The following CNNM2 variants were observed in gnomAD, a reference collection of about 807,000 sequenced individuals.
The protein encoded by CNNM2 is cyclin and CBS domain divalent metal cation transport mediator 2, also known as metal transporter CNNM2.
A neutral mutation model predicts 66.9 loss-of-function variants in CNNM2; 12 were observed. The observed-to-expected ratio is 0.18, with a 90% CI of 0.11 to 0.29. The LOEUF is 0.29. Ranked by LOEUF, CNNM2 falls within the 10% of genes least tolerant of loss-of-function variation. CNNM2 has a pLI of 1.00. For missense variants in CNNM2, 705 were observed against 1,167.7 expected (o/e 0.60, Z 5.77); for synonymous variants, 557 against 501.8 (o/e 1.11, Z -1.47).
rs542725273 is a variant in CNNM2, at chr10:103,048,427, G to T, written c.1622-1280G>T. On this transcript the variant is annotated intron_variant, in intron 1 of 7. Coordinates refer to ENST00000369878, the MANE Select transcript of CNNM2 (RefSeq NM_017649.5). ...GATGGGGTTTTGCCATGTTGGCCAG[G>T]CTGGTCTCAAACTCCTGACCTCAGG... Among the ~76,000 whole-genome samples, 7 of 151,890 alleles carry T rather than the reference G, an allele frequency of 4.6e-5. No individual in the cohort carries two copies. The South Asian group carries it at 1.5e-3, about 32-fold the overall frequency.
At chr10:102,957,556 GT>G (rs1420555071) in intron 1 of CNNM2, among the ~76,000 whole-genome samples, 3 of 152,160 alleles carry the variant, frequency 2.0e-5, no homozygotes, top group African/African-American at 7.2e-5. Context: ...CTAAGTCACT[GT>G]TTTTAATGTT....
intron 1 of CNNM2, among the ~76,000 whole-genome samples, chr10:103,023,632 A>C (rs1458594573): frequency 6.6e-6 from 1 of 152,076 alleles, no homozygotes; most frequent in Non-Finnish European, 1.5e-5. Context: ...CACCCCCATG[A>C]TCCAGTACCT....
At chr10:102,968,944 C>T (rs1564824920) in intron 1 of CNNM2, among the ~76,000 whole-genome samples, 1 of 134,592 alleles carries the variant, frequency 7.4e-6, no homozygotes, top group Non-Finnish European at 1.6e-5. Context: ...GACAGGGTCT[C>T]ACTCTGTCAC....
intron 5 of CNNM2, among the ~76,000 whole-genome samples, chr10:103,069,236 G>A (rs2065532542): frequency 6.6e-6 from 1 of 152,090 alleles, no homozygotes. Context: ...ATAGACATTG[G>A]GGTAGTCCCG....
At chr10:103,076,500 G>A (rs1016780963) in intron 7 of CNNM2, among the ~76,000 whole-genome samples, 2 of 152,214 alleles carry the variant, frequency 1.3e-5, no homozygotes, top group Non-Finnish European at 2.9e-5. Context: ...CAAATCAAAT[G>A]TGGCTCTTTC....
intron 1 of CNNM2, among the ~76,000 whole-genome samples, chr10:102,921,627 T>C (rs1845642611): frequency 6.6e-6 from 1 of 152,252 alleles, no homozygotes; most frequent in African/African-American, 2.4e-5. Context: ...CTTTCACCAC[T>C]AAGTTGTTAA....
chr10:103,017,409 CAAAT>C (rs1196973170), intron 1 of CNNM2, among the ~76,000 whole-genome samples: 3 of 152,054 alleles, frequency 2.0e-5, no homozygotes, highest in Non-Finnish European at 4.4e-5. Context: ...GCAGACTAAG[CAAAT>C]AAATATGAAC....
chr10:103,074,435 A>G (rs1191562981), intron 6 of CNNM2, among the ~76,000 whole-genome samples: 1 of 152,254 alleles, frequency 6.6e-6, no homozygotes, highest in East Asian at 1.9e-4. Flanking sequence ...TTGTTCTCGT[A>G]GAAATGGAAA....
chr10:102,919,749 C>T lies in CNNM2; in HGVS notation c.1269C>T (p.Pro423=). Residue 423 remains proline, a synonymous_variant, in exon 1 of 8, where the codon CCC becomes CCT. Transcript: ENST00000369878. ...KLLEMLRVTD[P]YNDLVKEELN... ...TGGAGATGCTCCGGGTCACCGATCC[C>T]TACAACGACCTCGTTAAGGAGGAGC... The T allele has an allele frequency of 6.2e-7, 1 of 1,614,238 alleles. No homozygotes were observed. Among genetic ancestry groups the T allele is most frequent in the Non-Finnish European group, 8.5e-7 (1 of 1,180,044 alleles).
intron 1 of CNNM2, among the ~76,000 whole-genome samples, chr10:103,047,897 T>C (rs1042727634): frequency 2.0e-5 from 3 of 152,120 alleles, no homozygotes; most frequent in African/African-American, 7.2e-5. Context: ...TGGCTACAAG[T>C]CTCCCAAAAT....
At chr10:103,059,265 C>A (rs1443716491) in intron 4 of CNNM2, among the ~76,000 whole-genome samples, 7 of 152,150 alleles carry the variant, frequency 4.6e-5, no homozygotes, top group Non-Finnish European at 1.0e-4. Context: ...TGAGCCACCG[C>A]GTCTGGCCTC....
At position 103,084,876 on chromosome 10, in the gene CNNM2, T is replaced by C. The variant is rs915051280; in HGVS notation, c.*7696T>C. ...ATTTCTGGAAACTTATTTTATACTT[T>C]TTGAAGGTAATTTAAAAGAGATGAT... On this transcript the variant is annotated 3_prime_UTR_variant, in exon 8 of 8. Coordinates refer to ENST00000369878, the MANE Select transcript of CNNM2 (RefSeq NM_017649.5). The C allele has an allele frequency of 3.3e-5, 5 of 152,176 alleles. No individual in the cohort carries two copies. Among genetic ancestry groups the C allele is most frequent in the African/African-American group, 7.2e-5 (3 of 41,442 alleles). The allele number at this position is 152,176 out of a possible 1,614,324, so 9.4% of individuals were successfully genotyped here. A position where few individuals can be genotyped will look rare whatever the true frequency, so the allele number is the denominator to read the frequency against.
intron 1 of CNNM2, among the ~76,000 whole-genome samples, chr10:102,994,041 AT>A (rs1381720007): frequency 4.6e-5 from 7 of 151,932 alleles, no homozygotes; most frequent in Non-Finnish European, 1.0e-4. Flanking sequence ...GGTTCAAGTG[AT>A]TTTCCTGCCT....
chr10:102,919,847 G>C lies in CNNM2; in HGVS notation c.1367G>C (p.Cys456Ser). ...GACGTGATGACCCCACTCCGGGACT[G>C]CTTCATGATCACCGGCGAAGCCATC... ...VEDVMTPLRD[C>S]FMITGEAILD... Residue 456 changes from cysteine (C) to serine (S), a missense_variant, in exon 1 of 8, where the codon TGC becomes TCC. Physicochemically the swap from Cys to Ser is moderately radical, Grantham distance 112. This residue lies in a region of CNNM2 where 171 missense variants were observed against 304.8 expected (regional missense o/e 0.56). Coordinates refer to ENST00000369878, the MANE Select transcript of CNNM2 (RefSeq NM_017649.5). 1 of 1,614,222 alleles carries C rather than the reference G, an allele frequency of 6.2e-7. No homozygotes were observed. The highest frequency in any genetic ancestry group is 8.5e-7 in the Non-Finnish European group (1 of 1,180,038).
chr10:102,991,580 TAAATTC>T (rs1191558442), intron 1 of CNNM2, among the ~76,000 whole-genome samples: 1 of 152,182 alleles, frequency 6.6e-6, no homozygotes, highest in Non-Finnish European at 1.5e-5. Context: ...TTTCATTTCT[TAAATTC>T]CATCGTCTGA....
In CNNM2 at chr10:103,040,928, C is replaced by T. The variant is rs561021938; in HGVS notation, c.1622-8779C>T. The stretch of plus-strand genomic sequence containing the variant: ...CTAAGATTCCAGATATAGCTAAATA[C>T]GGGAGGAGAATTGCTTCTCTTATTC... On this transcript the variant is annotated intron_variant, in intron 1 of 7. Transcript: ENST00000369878. Among the ~76,000 whole-genome samples the T allele has an allele frequency of 1.1e-4, 16 of 152,210 alleles. No individual in the cohort carries two copies. The East Asian group carries it at 2.1e-3, about 20-fold the overall frequency.
chr10:102,977,250 A>AT (rs779957362), intron 1 of CNNM2, among the ~76,000 whole-genome samples: 228 of 151,360 alleles, frequency 1.5e-3, no homozygotes, highest in Middle Eastern at 3.4e-3. Context: ...AGCATTTTGG[A>AT]TTTTTTTTTA....
Position 103,089,739 on chromosome 10 carries a change from G to A in CNNM2, c.*12559G>A, listed in dbSNP as rs200203060. The A allele has an allele frequency of 6.2e-6, 10 of 1,613,686 alleles. No individual in the cohort carries two copies. The highest frequency in any genetic ancestry group is 1.1e-5 in the South Asian group (1 of 91,030). Reference sequence around the variant, plus strand: ...ATGGCAGTGTGTAATTTCCTGGGGGGCCAGTGGGAAGAGGTTGGGAGGTTT... The same window carrying A: ...ATGGCAGTGTGTAATTTCCTGGGGGACCAGTGGGAAGAGGTTGGGAGGTTT... On this transcript the variant is annotated 3_prime_UTR_variant, in exon 8 of 8. Coordinates refer to ENST00000369878, the MANE Select transcript of CNNM2 (RefSeq NM_017649.5).
intron 1 of CNNM2, among the ~76,000 whole-genome samples, chr10:103,048,284 C>T (rs554645514): frequency 2.0e-4 from 28 of 141,758 alleles, no homozygotes; most frequent in African/African-American, 5.3e-4. Context: ...GGCACAATCT[C>T]GGCTCACTGC....
Sources: allele counts gnomAD v4.1 joint callset (sites outside exome capture counted in the v4.1 genomes callset), GRCh38; gene constraint gnomAD v4.1.1; regional missense constraint gnomAD v4.1.1; transcripts MANE v1.5; gene names NCBI Gene and HGNC (gene_info 2026-07-23, HGNC 2026-07-21).